The following STAG1 variants were observed in gnomAD, a reference collection of about 807,000 sequenced individuals.
The protein encoded by STAG1 is cohesin subunit SA-1.
STAG1 carries 26 observed loss-of-function variants against 170.9 expected under a neutral mutation model. The observed-to-expected ratio is 0.15, with a 90% confidence interval of 0.11 to 0.21. The LOEUF (loss-of-function observed/expected upper bound fraction) is 0.21. Ranked by LOEUF, STAG1 falls within the 10% of genes least tolerant of loss-of-function variation. The pLI is 1.00. For synonymous variants in STAG1, 514 were observed against 497.7 expected, an observed-to-expected ratio of 1.03 and a Z score of -0.44; for missense variants, 964 against 1,509.5, an observed-to-expected ratio of 0.64 and a Z score of 5.99.
At position 136,337,617 on chromosome 3, in the gene STAG1, AATTCAT is replaced by A. The variant is rs1429251670; in HGVS notation, c.*631_*636del. On this transcript the variant is annotated 3_prime_UTR_variant, in exon 34 of 34. Coordinates refer to ENST00000383202, the MANE Select transcript of STAG1 (RefSeq NM_005862.3). ...TATTCAAGAGTATATAAAATCTGGG[AATTCAT>A]ATCCATATCCACAGAGGGTGTGTGG... The A allele has an allele frequency of 6.6e-6, 1 of 152,656 alleles. No homozygotes were observed. The highest frequency in any genetic ancestry group is 2.4e-5 in the African/African-American group (1 of 41,456). The allele number at this position is 152,656 out of a possible 1,614,324, so 9.5% of individuals were successfully genotyped here. A position where few individuals can be genotyped will look rare whatever the true frequency, so the allele number is the denominator to read the frequency against.
At chr3:136,732,237 TA>T (rs71134406) in intron 1 of STAG1, among the ~76,000 whole-genome samples, 1,476 of 85,732 alleles carry the variant, frequency 0.017, 17 homozygotes, top group African/African-American at 0.049. Flanking sequence ...TATCCACAAC[TA>T]AAAAAAAAAA....
At chr3:136,601,977 A>G (rs925420958) in intron 4 of STAG1, among the ~76,000 whole-genome samples, 1 of 152,224 alleles carries the variant, frequency 6.6e-6, no homozygotes, top group African/African-American at 2.4e-5. Flanking sequence ...ATAGATGATG[A>G]TAAGAGTTTG....
At chr3:136,542,054 TAATC>T (rs1314310042) in intron 6 of STAG1, 61 bp downstream of exon 6, 2 of 1,182,756 alleles carry the variant, frequency 1.7e-6, no homozygotes, top group South Asian at 2.5e-5. Context: ...AAACCTGAGA[TAATC>T]AACATATTCA....
intron 1 of STAG1, among the ~76,000 whole-genome samples, chr3:136,660,473 T>C (rs1941541986): frequency 6.6e-6 from 1 of 152,148 alleles, no homozygotes; most frequent in Non-Finnish European, 1.5e-5. Flanking sequence ...AGGATGTTTT[T>C]CACGAGAAAA....
chr3:136,566,888 A>G (rs1937095776), intron 5 of STAG1, among the ~76,000 whole-genome samples: 1 of 152,230 alleles, frequency 6.6e-6, no homozygotes. Flanking sequence ...ACATATACAC[A>G]AAGGAATGCA....
intron 22 of STAG1, among the ~76,000 whole-genome samples, chr3:136,382,260 G>T (rs1220614194): frequency 6.6e-6 from 1 of 152,118 alleles, no homozygotes; most frequent in Non-Finnish European, 1.5e-5. Context: ...CAAAGCAAAT[G>T]TGTCTTATGT....
chr3:136,486,745 T>TA (rs1179912913), intron 9 of STAG1, among the ~76,000 whole-genome samples: 5 of 152,084 alleles, frequency 3.3e-5, no homozygotes, highest in South Asian at 2.1e-4. Flanking sequence ...AACTAACTCT[T>TA]AGAGTTAGGT....
chr3:136,608,486 A>G lies in STAG1; in HGVS notation c.133-4013T>C, dbSNP rs1163455310. ...GCAGAGTCTGCAGTGAGCCGTGATT[A>G]TAGCACTGTACTCCTGGATGACAGC... On this transcript the variant is annotated intron_variant, in intron 3 of 33. Transcript: ENST00000383202. Among the ~76,000 whole-genome samples the G allele has an allele frequency of 3.5e-3, 428 of 120,810 alleles. No homozygotes were observed. In the Middle Eastern group the frequency reaches 0.039, roughly 11 times the overall value. 79.3% of individuals were successfully genotyped at this position (120,810 alleles called of 152,430 possible).
intron 13 of STAG1, among the ~76,000 whole-genome samples, chr3:136,456,897 C>G (rs1488646637): frequency 1.3e-5 from 2 of 152,180 alleles, no homozygotes; most frequent in Non-Finnish European, 2.9e-5. Flanking sequence ...TCCAAGAATA[C>G]TGTACCTAAC....
At chr3:136,634,085 G>A (rs977101880) in intron 1 of STAG1, among the ~76,000 whole-genome samples, 1 of 150,378 alleles carries the variant, frequency 6.6e-6, no homozygotes, top group Non-Finnish European at 1.5e-5. Flanking sequence ...AGGTTGCAGT[G>A]AGCCAAGATC....
chr3:136,420,442 C>T (rs1304730435), intron 20 of STAG1, among the ~76,000 whole-genome samples: 1 of 152,008 alleles, frequency 6.6e-6, no homozygotes, highest in Non-Finnish European at 1.5e-5. Flanking sequence ...AAGCAATCCA[C>T]CTCCCTTGGC....
At chr3:136,552,315 C>A (rs934962563) in intron 5 of STAG1, among the ~76,000 whole-genome samples, 1 of 152,140 alleles carries the variant, frequency 6.6e-6, no homozygotes, top group Non-Finnish European at 1.5e-5. Context: ...TTAGAAGTTA[C>A]ATTTACACAC....
At chr3:136,455,362 G>A (rs560203942) in intron 13 of STAG1, among the ~76,000 whole-genome samples, 12 of 152,236 alleles carry the variant, frequency 7.9e-5, no homozygotes, top group Non-Finnish European at 1.3e-4. Context: ...CATTTCACAC[G>A]GTGCCAACTG....
chr3:136,469,908 G>A (rs551140480), intron 12 of STAG1, among the ~76,000 whole-genome samples: 1 of 152,296 alleles, frequency 6.6e-6, no homozygotes, highest in Non-Finnish European at 1.5e-5. Flanking sequence ...TTAATGAATG[G>A]TGCTGGGAAA....
At chr3:136,510,157 T>C (rs2107882753) in intron 7 of STAG1, among the ~76,000 whole-genome samples, 1 of 152,356 alleles carries the variant, frequency 6.6e-6, no homozygotes, top group East Asian at 1.9e-4. Context: ...CTTGGCTCTG[T>C]GTCTCCACCC....
chr3:136,376,046 T>TAAAAC (rs1553796098), intron 23 of STAG1, among the ~76,000 whole-genome samples: 1 of 148,500 alleles, frequency 6.7e-6, no homozygotes, highest in Non-Finnish European at 1.5e-5. Context: ...TAAAATAAAA[T>TAAAAC]AAAACAAAAT....
At chr3:136,539,099 A>C (rs1456946413) in intron 6 of STAG1, among the ~76,000 whole-genome samples, 1 of 151,154 alleles carries the variant, frequency 6.6e-6, no homozygotes, top group African/African-American at 2.4e-5. Context: ...GCATCATTGC[A>C]CTCTAGCCTG....
chr3:136,494,306 A>T (rs983012976), intron 9 of STAG1, among the ~76,000 whole-genome samples: 6 of 152,148 alleles, frequency 3.9e-5, no homozygotes, highest in South Asian at 2.1e-4. Flanking sequence ...AACAAAACTT[A>T]AAAAAATTCA....
chr3:136,552,499 A>C (rs1005251499), intron 5 of STAG1, among the ~76,000 whole-genome samples: 15 of 152,236 alleles, frequency 9.9e-5, no homozygotes, highest in African/African-American at 3.6e-4. Flanking sequence ...AGATATTAGG[A>C]GGACAATAAA....
Sources: allele counts gnomAD v4.1 joint callset (sites outside exome capture counted in the v4.1 genomes callset), GRCh38; gene constraint gnomAD v4.1.1; transcripts MANE v1.5; gene names NCBI Gene and HGNC (gene_info 2026-07-23, HGNC 2026-07-21).